The following GABRB2 variants were observed in gnomAD, a reference collection of about 807,000 sequenced individuals.
GABRB2 encodes the protein gamma-aminobutyric acid type A receptor subunit beta2, also known as gamma-aminobutyric acid receptor subunit beta-2.
In GABRB2, 16 loss-of-function variants were observed where a neutral mutation model predicts 54.7. That is an observed-to-expected ratio of 0.29 (90% CI 0.20 to 0.44). GABRB2 has a LOEUF of 0.44. Among genes scored for constraint, GABRB2 ranks in the 20% least tolerant of loss-of-function variants. The probability of loss-of-function intolerance (pLI) is 1.00; values close to 1 mark genes in which losing one functional copy is unlikely to be tolerated. For synonymous variants in GABRB2, 244 were observed against 233.8 expected (o/e 1.04, Z -0.40); for missense variants, 355 against 644.0 (o/e 0.55, Z 4.86).
chr5:161,410,319 T>C (rs974749387), intron 5 of GABRB2, among the ~76,000 whole-genome samples: 2 of 151,856 alleles, frequency 1.3e-5, no homozygotes, highest in African/African-American at 4.8e-5. Flanking sequence ...GAATCATCAA[T>C]GTGGAAGCTA....
intron 9 of GABRB2, among the ~76,000 whole-genome samples, chr5:161,298,892 G>A (rs1757458503): frequency 6.6e-6 from 1 of 152,158 alleles, no homozygotes. Context: ...ACACAGAGAG[G>A]TTAAGACACT....
At chr5:161,369,519 A>AG (rs1342693988) in intron 5 of GABRB2, among the ~76,000 whole-genome samples, 1 of 147,024 alleles carries the variant, frequency 6.8e-6, no homozygotes, top group African/African-American at 2.6e-5. Context: ...AGAAAGAGAG[A>AG]GAGAGGAGGA....
At chr5:161,438,032 G>A (rs1757359949) in intron 4 of GABRB2, among the ~76,000 whole-genome samples, 1 of 152,172 alleles carries the variant, frequency 6.6e-6, no homozygotes, top group South Asian at 2.1e-4. Flanking sequence ...ATTGTAGAGG[G>A]TTAGGGCCTT....
intron 5 of GABRB2, among the ~76,000 whole-genome samples, chr5:161,367,699 G>A (rs1251864201): frequency 1.3e-5 from 2 of 151,534 alleles, no homozygotes; most frequent in African/African-American, 4.9e-5. Flanking sequence ...AATTTTTTTC[G>A]TGCCTCTAAA....
At chr5:161,390,214 T>A (rs1755778122) in intron 5 of GABRB2, among the ~76,000 whole-genome samples, 2 of 152,084 alleles carry the variant, frequency 1.3e-5, no homozygotes, top group African/African-American at 4.8e-5. Flanking sequence ...TGCACTCAAG[T>A]CATCTCTGCT....
chr5:161,408,349 C>T (rs758452438), intron 5 of GABRB2, among the ~76,000 whole-genome samples: 15 of 151,946 alleles, frequency 9.9e-5, no homozygotes, highest in Admixed American at 2.6e-4. Context: ...GTCAGATTTG[C>T]GATACACAAT....
intron 5 of GABRB2, among the ~76,000 whole-genome samples, chr5:161,355,128 C>T (rs1029874778): frequency 2.0e-5 from 3 of 151,704 alleles, no homozygotes; most frequent in African/African-American, 4.8e-5. Context: ...ATAATAATTG[C>T]TTTTTATAAT....
At chr5:161,437,858 T>C (rs1757355654) in intron 4 of GABRB2, among the ~76,000 whole-genome samples, 1 of 152,212 alleles carries the variant, frequency 6.6e-6, no homozygotes, top group Non-Finnish European at 1.5e-5. Flanking sequence ...TCTTATGGTA[T>C]GAGTGATAGC....
chr5:161,420,431 G>T (rs1055180565), intron 4 of GABRB2, among the ~76,000 whole-genome samples: 2 of 152,176 alleles, frequency 1.3e-5, no homozygotes, highest in Admixed American at 1.3e-4. Flanking sequence ...CCACCAAGTT[G>T]TGTATCCCTA....
chr5:161,384,588 T>C (rs72813534), intron 5 of GABRB2, among the ~76,000 whole-genome samples: 1 of 152,198 alleles, frequency 6.6e-6, no homozygotes, highest in East Asian at 1.9e-4. Context: ...TTCTTGGTTT[T>C]AATAAGGATA....
At chr5:161,308,207 T>C (rs1403422105) in intron 9 of GABRB2, among the ~76,000 whole-genome samples, 1 of 152,174 alleles carries the variant, frequency 6.6e-6, no homozygotes, top group Non-Finnish European at 1.5e-5. Flanking sequence ...GTGGATGTTG[T>C]AGTTAAATCA....
At chr5:161,495,080 G>A (rs530555841) in intron 3 of GABRB2, among the ~76,000 whole-genome samples, 29 of 152,086 alleles carry the variant, frequency 1.9e-4, no homozygotes, top group African/African-American at 6.5e-4. Context: ...AAGATCACAT[G>A]ATGCTTAGTC....
At chr5:161,487,899 T>C (rs1209437778) in intron 3 of GABRB2, among the ~76,000 whole-genome samples, 1 of 151,906 alleles carries the variant, frequency 6.6e-6, no homozygotes, top group Non-Finnish European at 1.5e-5. Context: ...AAGAAGAGTT[T>C]GGCAGTTCCT....
intron 5 of GABRB2, among the ~76,000 whole-genome samples, chr5:161,407,851 G>T (rs1756391487): frequency 6.6e-6 from 1 of 151,864 alleles, no homozygotes; most frequent in Admixed American, 6.6e-5. Context: ...AAGTTTCATG[G>T]CCCTCATAGT....
intron 4 of GABRB2, among the ~76,000 whole-genome samples, chr5:161,431,155 T>C (rs911673209): frequency 2.6e-5 from 4 of 152,146 alleles, no homozygotes; most frequent in African/African-American, 9.7e-5. Context: ...TAACTCTGTT[T>C]CCTTTTCTAT....
At chr5:161,460,607 T>A (rs1435455577) in intron 3 of GABRB2, among the ~76,000 whole-genome samples, 2 of 152,134 alleles carry the variant, frequency 1.3e-5, no homozygotes, top group African/African-American at 4.8e-5. Flanking sequence ...ACTAAAAAAA[T>A]TAACTAGCAC....
intron 9 of GABRB2, among the ~76,000 whole-genome samples, chr5:161,311,519 A>G (rs17059273): frequency 0.13 from 19,324 of 152,172 alleles, 1,732 homozygotes; most frequent in African/African-American, 0.22. Context: ...GTGAAAGAGT[A>G]TCTTCAGGTA....
intron 3 of GABRB2, among the ~76,000 whole-genome samples, chr5:161,467,404 GTCTT>G (rs1400178271): frequency 1.3e-5 from 2 of 152,038 alleles, no homozygotes; most frequent in Non-Finnish European, 2.9e-5. Context: ...CTGACCTTCT[GTCTT>G]TCATAAGACA....
At chr5:161,360,087 A>AG (rs1754763141) in intron 5 of GABRB2, among the ~76,000 whole-genome samples, 2 of 151,858 alleles carry the variant, frequency 1.3e-5, no homozygotes, top group South Asian at 4.2e-4. Context: ...CGTCTAAAAA[A>AG]AAAAAATTGT....
Sources: gnomAD v4.1 joint callset for allele counts (sites outside exome capture counted in the v4.1 genomes callset) on GRCh38, gnomAD v4.1.1 for gene constraint, MANE v1.5 for transcripts, NCBI Gene and HGNC (gene_info 2026-07-23, HGNC 2026-07-21) for gene names.